TBC1D14: variants seen among roughly 807,000 people sequenced by gnomAD.
TBC1D14 encodes the protein TBC1 domain family, member 14.
A neutral mutation model predicts 79.0 loss-of-function variants in TBC1D14; 26 were observed. That is an observed-to-expected ratio of 0.33 (90% CI 0.24 to 0.46). TBC1D14 has a LOEUF of 0.46. Among genes scored for constraint, TBC1D14 ranks in the 20% least tolerant of loss-of-function variants. TBC1D14 has a pLI of 1.00. For synonymous variants in TBC1D14, 394 were observed against 349.9 expected, an observed-to-expected ratio of 1.13 and a Z score of -1.40; for missense variants, 769 against 887.6, an observed-to-expected ratio of 0.87 and a Z score of 1.70.
intron 4 of TBC1D14, among the ~76,000 whole-genome samples, chr4:6,994,820 AT>A (rs1374139710): frequency 6.6e-6 from 1 of 151,608 alleles, no homozygotes; most frequent in Non-Finnish European, 1.5e-5. Flanking sequence ...AGATCACACC[AT>A]TAATTACACT....
intron 1 of TBC1D14, among the ~76,000 whole-genome samples, chr4:6,919,641 G>C (rs1723676860): frequency 6.6e-6 from 1 of 151,712 alleles, no homozygotes; most frequent in African/African-American, 2.4e-5. Context: ...TTTATTTTGA[G>C]ATGGAGTCTC....
intron 2 of TBC1D14, among the ~76,000 whole-genome samples, chr4:6,933,115 T>C (rs1246784296): frequency 1.3e-5 from 2 of 151,978 alleles, no homozygotes; most frequent in East Asian, 1.9e-4. Flanking sequence ...CCCCTCCATA[T>C]TGAAAACCAG....
intron 3 of TBC1D14, among the ~76,000 whole-genome samples, chr4:6,979,440 G>A (rs1448019901): frequency 6.6e-6 from 1 of 152,102 alleles, no homozygotes; most frequent in Non-Finnish European, 1.5e-5. Flanking sequence ...AGCCTGATAA[G>A]CATAGTGAGA....
intron 4 of TBC1D14, 98 bp from the exon 5 acceptor site, chr4:6,996,227 T>A (rs1368671531): frequency 2.1e-6 from 2 of 954,912 alleles, no homozygotes; most frequent in East Asian, 4.9e-5. Flanking sequence ...TTTTAGTGTT[T>A]GAGCTTTATA....
rs746552712 is a variant in TBC1D14 at position 6,923,943 on chromosome 4, G to A, written c.554G>A (p.Ser185Asn). ...ATCTTGGACCTTGTGGTCACGAGCA[G>A]CTCCAGTGCCATTGTGACCCTGGAG... Reference protein sequence around the residue: ...EDILDLVVTSSSSAIVTLEND... With the variant: ...EDILDLVVTSNSSAIVTLEND... The change falls in exon 2 of 14, where the codon AGC becomes AAC. Residue 185 changes from serine (S) to asparagine (N), a missense_variant. Ser to Asn is a conservative substitution (Grantham distance 46, BLOSUM62 1). Coordinates refer to ENST00000409757, the MANE Select transcript of TBC1D14 (RefSeq NM_020773.3). 5.0e-6 allele frequency: 8 copies of A among 1,614,040 alleles called. No individual in the cohort carries two copies. The South Asian group carries it at 6.6e-5, about 13-fold the overall frequency.
intron 1 of TBC1D14, among the ~76,000 whole-genome samples, chr4:6,912,796 C>T (rs1301755628): frequency 2.0e-5 from 3 of 152,176 alleles, no homozygotes; most frequent in South Asian, 2.1e-4. Context: ...TTGTCAACTG[C>T]CTAACAAGAT....
intron 12 of TBC1D14, among the ~76,000 whole-genome samples, chr4:7,018,080 C>T (rs1365253440): frequency 1.3e-5 from 2 of 152,174 alleles, no homozygotes; most frequent in African/African-American, 4.8e-5. Context: ...GTCACTGAGG[C>T]CCATGGTGTG....
intron 2 of TBC1D14, among the ~76,000 whole-genome samples, chr4:6,931,306 C>T (rs537320980): frequency 1.2e-4 from 18 of 152,204 alleles, no homozygotes; most frequent in Non-Finnish European, 2.4e-4. Flanking sequence ...GATTACCTCT[C>T]GATTGCAGAA....
chr4:7,026,920 A>C lies in TBC1D14; in HGVS notation c.2016+1658A>C, dbSNP rs1005190758. ...TTAAAAAAACAAACAAACAAACAAA[A>C]AAAACAGGTTGGCCAGGTGCAGTGG... On this transcript the variant is annotated intron_variant, in intron 13 of 13. Coordinates refer to ENST00000409757, the MANE Select transcript of TBC1D14 (RefSeq NM_020773.3). Among the ~76,000 whole-genome samples the C allele has an allele frequency of 7.9e-5, 12 of 151,940 alleles. No homozygotes were observed. The South Asian group carries it at 1.2e-3, about 16-fold the overall frequency.
chr4:6,953,986 C>T (rs1489680645), intron 2 of TBC1D14, among the ~76,000 whole-genome samples: 5 of 152,218 alleles, frequency 3.3e-5, no homozygotes, highest in African/African-American at 7.2e-5. Context: ...GGTTTTGTGC[C>T]TGGTAGCCTG....
At chr4:6,920,677 AT>A (rs1723778930) in intron 1 of TBC1D14, among the ~76,000 whole-genome samples, 1 of 152,154 alleles carries the variant, frequency 6.6e-6, no homozygotes, top group South Asian at 2.1e-4. Context: ...GTGGTACTTG[AT>A]TTAATTCTCC....
At chr4:6,927,208 C>G (rs1724360500) in intron 2 of TBC1D14, among the ~76,000 whole-genome samples, 1 of 152,188 alleles carries the variant, frequency 6.6e-6, no homozygotes, top group African/African-American at 2.4e-5. Context: ...GAGAGTCCCT[C>G]CCCTTATGGC....
intron 3 of TBC1D14, among the ~76,000 whole-genome samples, chr4:6,978,636 C>T (rs925707277): frequency 4.1e-5 from 6 of 147,856 alleles, no homozygotes; most frequent in African/African-American, 1.6e-4. Flanking sequence ...ATAGGAAAAC[C>T]AGAGACCTTT....
chr4:6,994,562 T>G (rs1372151476), intron 4 of TBC1D14, among the ~76,000 whole-genome samples: 2 of 152,062 alleles, frequency 1.3e-5, no homozygotes, highest in African/African-American at 4.8e-5. Flanking sequence ...TAAAAATAAG[T>G]TGTCAGCTGG....
intron 3 of TBC1D14, among the ~76,000 whole-genome samples, chr4:6,979,332 G>T (rs537697672): frequency 5.6e-4 from 85 of 152,262 alleles, no homozygotes; most frequent in African/African-American, 2.0e-3. Flanking sequence ...TGTCAGAATG[G>T]GTTAAAAAAA....
intron 2 of TBC1D14, among the ~76,000 whole-genome samples, chr4:6,953,648 A>AAAAAG (rs1714327171): frequency 6.6e-6 from 1 of 150,484 alleles, no homozygotes; most frequent in South Asian, 2.1e-4. Context: ...AAAAAAAAAA[A>AAAAAG]AAAGAATAGA....
chr4:6,944,121 T>C (rs1713195169), intron 2 of TBC1D14, among the ~76,000 whole-genome samples: 1 of 152,196 alleles, frequency 6.6e-6, no homozygotes, highest in African/African-American at 2.4e-5. Flanking sequence ...GCAGGAAAAC[T>C]TCGGCGTCGT....
intron 3 of TBC1D14, among the ~76,000 whole-genome samples, chr4:6,975,651 T>C (rs563507670): frequency 6.6e-6 from 1 of 152,132 alleles, no homozygotes; most frequent in East Asian, 1.9e-4. Context: ...ATAGAAAGTA[T>C]CAGTAAAGGA....
chr4:7,000,112 A>G (rs2109193227), intron 6 of TBC1D14, among the ~76,000 whole-genome samples: 1 of 152,234 alleles, frequency 6.6e-6, no homozygotes, highest in East Asian at 1.9e-4. Flanking sequence ...TTAAGGCAGT[A>G]TCCTCAAAAG....
Sources: gnomAD v4.1 joint callset for allele counts (sites outside exome capture counted in the v4.1 genomes callset) on GRCh38, gnomAD v4.1.1 for gene constraint, MANE v1.5 for transcripts, NCBI Gene and HGNC (gene_info 2026-07-23, HGNC 2026-07-21) for gene names.